The following CERKL variants were observed in gnomAD, a reference collection of about 807,000 sequenced individuals.
CERKL encodes the protein ceramide kinase-like protein.
A neutral mutation model predicts 63.4 loss-of-function variants in CERKL; 61 were observed. That is an observed-to-expected ratio of 0.96 (90% CI 0.78 to 1.19). The LOEUF (loss-of-function observed/expected upper bound fraction) is 1.19. Ranked by LOEUF, CERKL falls within the 50% of genes most tolerant of loss-of-function variation. CERKL has a pLI of 0.00. For missense variants in CERKL, 675 were observed against 655.5 expected (o/e 1.03, Z -0.33); for synonymous variants, 250 against 230.5 (o/e 1.08, Z -0.77).
chr2:181,628,248 T>C (rs1225893097), intron 1 of CERKL, among the ~76,000 whole-genome samples: 3 of 152,180 alleles, frequency 2.0e-5, no homozygotes, highest in Non-Finnish European at 2.9e-5. Context: ...ATTTAAGAAA[T>C]GGTTTGCACA....
chr2:181,538,644 C>G (rs781111866), intron 12 of CERKL, among the ~76,000 whole-genome samples: 1 of 152,078 alleles, frequency 6.6e-6, no homozygotes, highest in Non-Finnish European at 1.5e-5. Context: ...AAGTTGAATG[C>G]TCTGTAAAGG....
At position 181,558,688 on chromosome 2, in the gene CERKL, T is replaced by C; in HGVS notation, c.698A>G (p.Asp233Gly). The C allele has an allele frequency of 6.2e-7, 1 of 1,613,510 alleles. No individual in the cohort carries two copies. Among genetic ancestry groups the C allele is most frequent in the East Asian group, 2.2e-5 (1 of 44,796 alleles). The change falls in exon 5 of 13, where the codon GAT becomes GGT. Residue 233 changes from aspartate (D) to glycine (G), a missense_variant. Physicochemically the swap from Asp to Gly is moderately conservative, Grantham distance 94. Transcript: ENST00000410087. This position sits in a 1 kb window ranked among gnomAD's most constrained non-coding sequence, Gnocchi z 4.2. ...ATGGGCTACTTCGCTAGCAGATCCATCTCCACCAACACAGACAACACTAGA... is the reference window on the plus strand; with the variant it reads ...ATGGGCTACTTCGCTAGCAGATCCACCTCCACCAACACAGACAACACTAGA... ...GFDGVVCVGG[D>G]GSASEVAHAL... is the part of the protein sequence containing the mutation.
intron 1 of CERKL, among the ~76,000 whole-genome samples, chr2:181,615,640 T>C (rs1412081220): frequency 6.6e-6 from 1 of 152,260 alleles, no homozygotes; most frequent in East Asian, 1.9e-4. Context: ...CTCTTCAGAA[T>C]TGGTTATCTA....
At chr2:181,579,695 A>G (rs1684416158) in intron 2 of CERKL, among the ~76,000 whole-genome samples, 1 of 151,774 alleles carries the variant, frequency 6.6e-6, no homozygotes, top group Non-Finnish European at 1.5e-5. Context: ...TAAAAACTGC[A>G]TTTTTCTTCT....
chr2:181,648,513 T>G (rs750738721), intron 1 of CERKL, among the ~76,000 whole-genome samples: 1 of 152,096 alleles, frequency 6.6e-6, no homozygotes, highest in Admixed American at 6.5e-5. Context: ...GGGAATTCAC[T>G]CCTACACCAG....
chr2:181,585,395 A>G (rs1025264112), intron 2 of CERKL, among the ~76,000 whole-genome samples: 2 of 152,198 alleles, frequency 1.3e-5, no homozygotes, highest in African/African-American at 4.8e-5. Flanking sequence ...CAAAAGCACA[A>G]CACTGCAAAA....
intron 4 of CERKL, among the ~76,000 whole-genome samples, chr2:181,565,701 A>G (rs1203970927): frequency 6.6e-6 from 1 of 152,192 alleles, no homozygotes; most frequent in Non-Finnish European, 1.5e-5. Flanking sequence ...ATCATCATAT[A>G]GTTATGCCAT....
At chr2:181,655,730 C>A (rs1688125429) in intron 1 of CERKL, among the ~76,000 whole-genome samples, 1 of 152,196 alleles carries the variant, frequency 6.6e-6, no homozygotes, top group South Asian at 2.1e-4. Flanking sequence ...TGTTTTCCAA[C>A]AGGGGAAGGC....
intron 1 of CERKL, among the ~76,000 whole-genome samples, chr2:181,633,791 T>C (rs1559116301): frequency 1.3e-5 from 2 of 152,170 alleles, no homozygotes; most frequent in Non-Finnish European, 2.9e-5. Flanking sequence ...CTAGTCTCCA[T>C]AAAGTAAAGA....
intron 4 of CERKL, among the ~76,000 whole-genome samples, chr2:181,562,908 T>C (rs1378940789): frequency 6.6e-6 from 1 of 152,160 alleles, no homozygotes; most frequent in Non-Finnish European, 1.5e-5. Context: ...AAAATGTCAA[T>C]ATAATCCAAA....
chr2:181,582,516 CATATATAT>C (rs59483712), intron 2 of CERKL, among the ~76,000 whole-genome samples: 8 of 142,936 alleles, frequency 5.6e-5, no homozygotes, highest in African/African-American at 2.1e-4. Context: ...ATATTGTCAA[CATATATAT>C]ATATATATAT....
chr2:181,538,132 T>G lies in CERKL; in HGVS notation c.*52A>C. ...CCACAGGTTTAAAGCATGGCCACAT[T>G]TCTTTATATTAAAATTCTAGTTTGT... On this transcript the variant is annotated 3_prime_UTR_variant, in exon 13 of 13. Transcript: ENST00000410087. The G allele has an allele frequency of 7.9e-7, 1 of 1,259,918 alleles. No individual in the cohort carries two copies. The highest frequency in any genetic ancestry group is 1.2e-5 in the South Asian group (1 of 82,990). 78.0% of individuals were successfully genotyped at this position (1,259,918 alleles called of 1,614,324 possible). A position where few individuals can be genotyped will look rare whatever the true frequency, so the allele number is the denominator to read the frequency against.
chr2:181,544,452 T>A (rs1057409624), intron 11 of CERKL, among the ~76,000 whole-genome samples: 1 of 152,196 alleles, frequency 6.6e-6, no homozygotes, highest in East Asian at 1.9e-4. Flanking sequence ...TAACACTACA[T>A]TTCCTATTTT....
At chr2:181,543,103 T>A (rs16867444) in intron 11 of CERKL, among the ~76,000 whole-genome samples, 24,100 of 152,112 alleles carry the variant, frequency 0.16, 2,177 homozygotes, top group African/African-American at 0.22. Flanking sequence ...ATACTTACTT[T>A]ACTTCTCATT....
At position 181,550,136 on chromosome 2, in the gene CERKL, A is replaced by G. The variant is rs868215326; in HGVS notation, c.821-428T>C. 6.6e-6 allele frequency among the ~76,000 whole-genome samples: 1 copy of G among 152,164 alleles called. No homozygotes were observed. The highest frequency in any genetic ancestry group is 1.5e-5 in the Non-Finnish European group (1 of 68,024). On this transcript the variant is annotated intron_variant, in intron 5 of 12. Coordinates refer to ENST00000410087, the MANE Select transcript of CERKL (RefSeq NM_201548.5). The surrounding 1 kb of genome is among the most constrained non-coding windows in gnomAD (Gnocchi z 4.5). ...TAAAAGAGAAAATAATCCAAATAAT[A>G]ACTCAGAAAAATAAAATAACTACAA...
intron 10 of CERKL, 46 bp downstream of exon 10, chr2:181,547,572 G>T: frequency 6.7e-7 from 1 of 1,490,902 alleles, no homozygotes; most frequent in Non-Finnish European, 9.4e-7. Context: ...GAAAAAAAAT[G>T]GTCTATAAGA....
chr2:181,601,192 T>C (rs1347720676), intron 2 of CERKL, among the ~76,000 whole-genome samples: 1 of 152,218 alleles, frequency 6.6e-6, no homozygotes, highest in African/African-American at 2.4e-5. Flanking sequence ...GGCACTTTAA[T>C]GAATACCAGA....
intron 2 of CERKL, among the ~76,000 whole-genome samples, chr2:181,579,229 ATTACTACCAAT>A (rs2105856282): frequency 6.6e-6 from 1 of 152,000 alleles, no homozygotes; most frequent in African/African-American, 2.4e-5. Flanking sequence ...TTTTTCTCTT[ATTACTACCAAT>A]TTACACTCTA....
rs951669631 is a variant in CERKL, at chr2:181,656,876, T to G, written c.131A>C (p.Glu44Ala). ...GAAGATGCCCCGGAGCAGAATCCGC[T>G]CGGCCGCCGCCTCCGTCTGCTGCGG... ...TSPQQTEAAA[E>A]RILLRGIFEI... The change falls in exon 1 of 13, where the codon GAG becomes GCG. Residue 44 changes from glutamate (E) to alanine (A), a missense_variant. By Grantham distance (107) the Glu-to-Ala change is moderately radical. Transcript: ENST00000410087. 3.7e-6 allele frequency: 6 copies of G among 1,605,410 alleles called. No homozygotes were observed. The highest frequency in any genetic ancestry group is 5.1e-6 in the Non-Finnish European group (6 of 1,174,944).
Sources: gnomAD v4.1 joint callset for allele counts (sites outside exome capture counted in the v4.1 genomes callset) on GRCh38, gnomAD v4.1.1 for gene constraint, Gnocchi (gnomAD v3.1) non-coding constraint, MANE v1.5 for transcripts, NCBI Gene and HGNC (gene_info 2026-07-23, HGNC 2026-07-21) for gene names.